Variants in ASB4 observed in about 807,000 individuals in gnomAD.
ASB4 encodes the protein ankyrin repeat and SOCS box containing 4.
A neutral mutation model predicts 38.6 loss-of-function variants in ASB4; 35 were observed. The observed-to-expected ratio is 0.91, with a 90% CI of 0.69 to 1.20. The LOEUF (loss-of-function observed/expected upper bound fraction) is 1.20. Among genes scored for constraint, ASB4 ranks in the 50% most tolerant of loss-of-function variants. The pLI, the probability that ASB4 is intolerant of heterozygous loss-of-function variation, is 0.00. For synonymous variants in ASB4, 195 were observed against 201.3 expected, an observed-to-expected ratio of 0.97 and a Z score of 0.26; for missense variants, 557 against 527.2, an observed-to-expected ratio of 1.06 and a Z score of -0.55.
chr7:95,482,868 TG>T (rs1309857240), upstream of ASB4, among the ~76,000 whole-genome samples: 17 of 151,986 alleles, frequency 1.1e-4, no homozygotes, highest in Non-Finnish European at 2.4e-4. Flanking sequence ...TTTGATGGGA[TG>T]GGGGGTGGTT....
the ASB4 span, among the ~76,000 whole-genome samples, chr7:95,549,148 G>C: frequency 4.6e-5 from 7 of 152,182 alleles, no homozygotes; most frequent in South Asian, 1.5e-3. Context: ...TGACACTTAG[G>C]AGAGAGTTAC....
intron 2 of ASB4, among the ~76,000 whole-genome samples, chr7:95,496,657 G>A (rs1038921215): frequency 7.9e-5 from 12 of 152,152 alleles, no homozygotes; most frequent in South Asian, 2.1e-4. Context: ...GACCAGTCTC[G>A]GCAACATAGG....
chr7:95,549,566 G>T, the ASB4 span, among the ~76,000 whole-genome samples: 1 of 151,834 alleles, frequency 6.6e-6, no homozygotes, highest in Non-Finnish European at 1.5e-5. Flanking sequence ...CAAAGTGCTG[G>T]GATTATAGGC....
At chr7:95,528,506 G>A in intron 3 of ASB4, 2 of 1,429,750 alleles carry the variant, frequency 1.4e-6, no homozygotes, top group Middle Eastern at 2.6e-4. Context: ...GGGTGTGAGA[G>A]CTAGAATGAG....
chr7:95,503,019 C>T (rs943867454), intron 2 of ASB4, among the ~76,000 whole-genome samples: 4 of 152,098 alleles, frequency 2.6e-5, no homozygotes, highest in African/African-American at 9.7e-5. Context: ...TAAAAAGCAG[C>T]TTATGGGACA....
chr7:95,474,577 A>C (rs541225257), upstream of ASB4, among the ~76,000 whole-genome samples: 1 of 152,252 alleles, frequency 6.6e-6, no homozygotes, highest in Non-Finnish European at 1.5e-5. Flanking sequence ...GCTGGAGTGC[A>C]GTGGTGCAAT....
At chr7:95,534,089 A>G (rs1445645494) in intron 3 of ASB4, among the ~76,000 whole-genome samples, 1 of 152,212 alleles carries the variant, frequency 6.6e-6, no homozygotes, top group African/African-American at 2.4e-5. Flanking sequence ...TTACACCTGT[A>G]ATCCCAGCAC....
chr7:95,540,717 A>G (rs928039325), downstream of ASB4, among the ~76,000 whole-genome samples: 6 of 152,228 alleles, frequency 3.9e-5, no homozygotes, highest in Admixed American at 3.3e-4. Context: ...TATGAGGGAA[A>G]GATCACCTAT....
At chr7:95,541,477 T>C (rs1259530133), downstream of ASB4, among the ~76,000 whole-genome samples, 1 of 152,164 alleles carries the variant, frequency 6.6e-6, no homozygotes, top group Non-Finnish European at 1.5e-5. Flanking sequence ...CTTTGGGAAC[T>C]GTTGGGTGAG....
intron 2 of ASB4, among the ~76,000 whole-genome samples, chr7:95,501,154 C>T (rs1003355030): frequency 6.6e-6 from 1 of 151,994 alleles, no homozygotes; most frequent in African/African-American, 2.4e-5. Context: ...TCTCACTTTT[C>T]GTAATAATGA....
the ASB4 span, among the ~76,000 whole-genome samples, chr7:95,551,130 G>T: frequency 3.3e-5 from 5 of 152,094 alleles, no homozygotes; most frequent in African/African-American, 1.2e-4. Context: ...ACAAGCGCAT[G>T]CCACCATGCC....
At chr7:95,517,194 G>A (rs1408479180) in intron 2 of ASB4, among the ~76,000 whole-genome samples, 1 of 152,066 alleles carries the variant, frequency 6.6e-6, no homozygotes, top group Admixed American at 6.6e-5. Context: ...TTGGAGACAG[G>A]TTCTCACTCT....
At chr7:95,475,490 TCTC>T (rs1169360893), upstream of ASB4, among the ~76,000 whole-genome samples, 7 of 151,996 alleles carry the variant, frequency 4.6e-5, no homozygotes, top group African/African-American at 7.3e-5. Context: ...TTCAAGCAAT[TCTC>T]CTGCCTCAGC....
the ASB4 span, among the ~76,000 whole-genome samples, chr7:95,545,322 A>G: frequency 6.6e-6 from 1 of 152,206 alleles, no homozygotes; most frequent in Non-Finnish European, 1.5e-5. Context: ...TCTCCTGGTT[A>G]CAGTTTCAAA....
intron 3 of ASB4, 169 bp downstream of exon 3, chr7:95,528,472 C>T: frequency 6.9e-7 from 1 of 1,445,564 alleles, no homozygotes; most frequent in South Asian, 1.5e-5. Flanking sequence ...CTCATCTCAT[C>T]CTAGTCTAGG....
At chr7:95,479,485 T>C (rs993316646) in intron 1 of ASB4, among the ~76,000 whole-genome samples, 3 of 152,218 alleles carry the variant, frequency 2.0e-5, no homozygotes, top group Non-Finnish European at 4.4e-5. Flanking sequence ...TTGTACTAGC[T>C]TGCTGGCTCT....
upstream of ASB4, among the ~76,000 whole-genome samples, chr7:95,476,037 G>T (rs976521638): frequency 6.6e-6 from 1 of 152,198 alleles, no homozygotes; most frequent in African/African-American, 2.4e-5. Flanking sequence ...CAAACCGAAT[G>T]GTGTGATCTT....
At chr7:95,546,125 A>G in the ASB4 span, among the ~76,000 whole-genome samples, 1 of 152,226 alleles carries the variant, frequency 6.6e-6, no homozygotes, top group Non-Finnish European at 1.5e-5. Context: ...GTTTAGTACA[A>G]TGTCAGGCAC....
upstream of ASB4, chr7:95,473,633 G>A (rs1308900385): frequency 1.3e-5 from 2 of 150,866 alleles, no homozygotes; most frequent in East Asian, 3.9e-4. Context: ...TTGTAATTTG[G>A]AGATTCCTTT....
Sources: gnomAD v4.1 joint callset for allele counts (sites outside exome capture counted in the v4.1 genomes callset) on GRCh38, gnomAD v4.1.1 for gene constraint, MANE v1.5 for transcripts, NCBI Gene and HGNC (gene_info 2026-07-23, HGNC 2026-07-21) for gene names.